CORIN: variants seen among roughly 807,000 people sequenced by gnomAD.
The protein encoded by CORIN is corin, serine peptidase.
CORIN carries 117 observed loss-of-function variants against 125.3 expected under a neutral mutation model. The observed-to-expected ratio is 0.93, with a 90% confidence interval of 0.80 to 1.09. CORIN has a LOEUF of 1.09. Ranked by LOEUF, CORIN falls within the 50% of genes least tolerant of loss-of-function variation. CORIN has a pLI of 0.00. For missense variants in CORIN, 1,253 were observed against 1,306.7 expected, an observed-to-expected ratio of 0.96 and a Z score of 0.63; for synonymous variants, 450 against 466.4, an observed-to-expected ratio of 0.96 and a Z score of 0.45.
At chr4:47,605,814 C>A (rs765867855) in intron 19 of CORIN, among the ~76,000 whole-genome samples, 4 of 152,006 alleles carry the variant, frequency 2.6e-5, no homozygotes, top group African/African-American at 9.7e-5. Context: ...CACCCACAAC[C>A]CTTCTTTTCT....
rs199793420 is a variant in CORIN, at chr4:47,815,311, A to AT, written c.64-8265dup. Among the ~76,000 whole-genome samples the AT allele has an allele frequency of 8.5e-3, 1,245 of 147,204 alleles. 13 individuals are homozygous for AT. Among genetic ancestry groups the AT allele is most frequent in the African/African-American group, 0.029 (1,155 of 40,390 alleles). On this transcript the variant is annotated intron_variant, in intron 1 of 21. Coordinates refer to ENST00000273857, the MANE Select transcript of CORIN (RefSeq NM_006587.4). ...AAGTTCAGAAAGCTCAAGAGTCCTGATTTTTTTTTAACACATAGTTCAGAG... is the reference window on the plus strand; with the variant it reads ...AAGTTCAGAAAGCTCAAGAGTCCTGATTTTTTTTTTAACACATAGTTCAGAG...
At chr4:47,834,681 CATTA>C (rs1278456832) in intron 1 of CORIN, among the ~76,000 whole-genome samples, 8 of 152,128 alleles carry the variant, frequency 5.3e-5, no homozygotes, top group African/African-American at 1.4e-4. Context: ...AGGTTTGTGA[CATTA>C]ATTGTGGTGA....
Position 47,683,725 on chromosome 4 carries a change from A to C in CORIN, c.1021+6T>G. ...TTAAAACCTTTGGGGAAACAATGCT[A>C]CTTACCACAGTTTTGCTCATCACTC... On this transcript the variant is annotated splice_donor_region_variant and intron_variant, in intron 7 of 21. Transcript: ENST00000273857. 1 of 1,599,326 alleles carries C rather than the reference A, an allele frequency of 6.3e-7. No homozygotes were observed. The highest frequency in any genetic ancestry group is 8.6e-7 in the Non-Finnish European group (1 of 1,169,430).
chr4:47,805,148 A>AAAAAATAATAATAAT (rs796469224), intron 2 of CORIN, among the ~76,000 whole-genome samples: 8 of 129,164 alleles, frequency 6.2e-5, no homozygotes, highest in African/African-American at 2.3e-4. Flanking sequence ...AAAAAAAAAA[A>AAAAAATAATAATAAT]AATAATAATA....
intron 4 of CORIN, among the ~76,000 whole-genome samples, chr4:47,757,444 A>T (rs1333332748): frequency 6.6e-6 from 1 of 151,998 alleles, no homozygotes; most frequent in African/African-American, 2.4e-5. Context: ...AAATACAAAA[A>T]TTAGCCAGGC....
At chr4:47,808,766 A>G (rs1464869611) in intron 1 of CORIN, among the ~76,000 whole-genome samples, 1 of 152,222 alleles carries the variant, frequency 6.6e-6, no homozygotes, top group East Asian at 1.9e-4. Context: ...ATCAATAAAT[A>G]AAAGTGTGGG....
chr4:47,675,447 T>A (rs61760499), intron 9 of CORIN, among the ~76,000 whole-genome samples: 44 of 152,184 alleles, frequency 2.9e-4, no homozygotes, highest in Non-Finnish European at 5.6e-4. Context: ...GAGATGTCAC[T>A]CTTTTTTTAA....
chr4:47,786,639 T>C, intron 3 of CORIN, 86 bp downstream of exon 3: 2 of 989,918 alleles, frequency 2.0e-6, no homozygotes, highest in African/African-American at 1.6e-5. Context: ...GGCAAGTGAT[T>C]GTGAACTAAA....
In CORIN at chr4:47,782,280, G is replaced by A. The variant is rs565800488; in HGVS notation, c.409+4445C>T. ...TGTGCTTGTAATCCCAGCTACTCAG[G>A]AGACTGAGTCAGGAGAATCGCCTGA... On this transcript the variant is annotated intron_variant, in intron 3 of 21. Coordinates refer to ENST00000273857, the MANE Select transcript of CORIN (RefSeq NM_006587.4). Among the ~76,000 whole-genome samples, 18 of 151,698 alleles carry A rather than the reference G, an allele frequency of 1.2e-4. No individual in the cohort carries two copies. The South Asian group carries it at 3.7e-3, about 32-fold the overall frequency.
chr4:47,615,380 CA>C (rs1047504710), intron 19 of CORIN, among the ~76,000 whole-genome samples: 1 of 151,920 alleles, frequency 6.6e-6, no homozygotes, highest in African/African-American at 2.4e-5. Context: ...AGAGAGTAGT[CA>C]AAAAAAGCCA....
chr4:47,696,980 A>G (rs2109750438), intron 5 of CORIN, among the ~76,000 whole-genome samples: 1 of 152,294 alleles, frequency 6.6e-6, no homozygotes, highest in African/African-American at 2.4e-5. Flanking sequence ...CTGAAAGTCA[A>G]AAGCTCAGTT....
intron 1 of CORIN, 91 bp downstream of exon 1, chr4:47,837,796 G>T: frequency 8.8e-7 from 1 of 1,136,064 alleles, no homozygotes; most frequent in Non-Finnish European, 1.3e-6. Context: ...GCGGAGGAGA[G>T]GACGGGGGCG....
chr4:47,793,758 G>C (rs1731175627), intron 2 of CORIN, among the ~76,000 whole-genome samples: 1 of 152,132 alleles, frequency 6.6e-6, no homozygotes, highest in Non-Finnish European at 1.5e-5. Context: ...TACAGATATA[G>C]GAGTATGAAA....
chr4:47,786,739 C>G lies in CORIN; in HGVS notation c.395G>C (p.Ser132Thr), dbSNP rs745750505. ...TTDASLPGDQ[S>T]HRNTSACMNI... ...TTTGGACTTACTTGTATTCCTGTGACTTTGGTCCCCTGGGAGAGAAGCATC... is the reference window on the plus strand; with the variant it reads ...TTTGGACTTACTTGTATTCCTGTGAGTTTGGTCCCCTGGGAGAGAAGCATC... Residue 132 changes from serine (S) to threonine (T), a missense_variant, in exon 3 of 22, where the codon AGT becomes ACT. Physicochemically the swap from Ser to Thr is moderately conservative, Grantham distance 58. Transcript: ENST00000273857. The G allele has an allele frequency of 1.2e-6, 2 of 1,613,888 alleles. No individual in the cohort carries two copies. Among genetic ancestry groups the G allele is most frequent in the Non-Finnish European group, 1.7e-6 (2 of 1,179,910 alleles).
intron 14 of CORIN, among the ~76,000 whole-genome samples, chr4:47,643,885 T>A (rs1723347974): frequency 1.3e-5 from 2 of 152,252 alleles, no homozygotes; most frequent in African/African-American, 4.8e-5. Flanking sequence ...TGTCTACAGT[T>A]TTTTTGTTTG....
In CORIN at chr4:47,786,828, A is replaced by G. The variant is rs772700917; in HGVS notation, c.306T>C (p.Ile102=). ...QGSDVILTNT[I]YNQSTVVSTA... Reference sequence around the variant, plus strand: ...TAGACACCACAGTGCTCTGGTTATAAATTGTATTTGTAAGAATAACATCGG... The same window carrying G: ...TAGACACCACAGTGCTCTGGTTATAGATTGTATTTGTAAGAATAACATCGG... The change falls in exon 3 of 22, where the codon ATT becomes ATC. Residue 102 remains isoleucine (I), a synonymous_variant. Coordinates refer to ENST00000273857, the MANE Select transcript of CORIN (RefSeq NM_006587.4). 1 of 1,614,004 alleles carries G rather than the reference A, an allele frequency of 6.2e-7. No homozygotes were observed. Among genetic ancestry groups the G allele is most frequent in the Non-Finnish European group, 8.5e-7 (1 of 1,179,886 alleles).
rs1372207644 is a variant in CORIN at position 47,763,542 on chromosome 4, A to T, written c.454T>A (p.Tyr152Asn). ...AGGAGAGGTGTCAGCGTGGCGTGGTAGGGCAGCATCTGACACTGGCTGTGG... is the reference window on the plus strand; with the variant it reads ...AGGAGAGGTGTCAGCGTGGCGTGGTTGGGCAGCATCTGACACTGGCTGTGG... ...ITHSQCQMLP[Y>N]HATLTPLLSV... The change falls in exon 4 of 22, where the codon TAC (tyrosine) becomes AAC (asparagine). Residue 152 changes from tyrosine (Y) to asparagine (N), a missense_variant. Physicochemically the swap from Tyr to Asn is moderately radical, Grantham distance 143. Coordinates refer to ENST00000273857, the MANE Select transcript of CORIN (RefSeq NM_006587.4). 3.1e-6 allele frequency: 5 copies of T among 1,614,076 alleles called. No homozygotes were observed. Among genetic ancestry groups the T allele is most frequent in the Non-Finnish European group, 4.2e-6 (5 of 1,180,038 alleles).
At chr4:47,753,446 C>T (rs1038577184) in intron 4 of CORIN, among the ~76,000 whole-genome samples, 1 of 152,104 alleles carries the variant, frequency 6.6e-6, no homozygotes, top group Non-Finnish European at 1.5e-5. Flanking sequence ...TTTTCCAGAC[C>T]TTAATAAGCC....
chr4:47,828,264 C>T (rs76989209), intron 1 of CORIN, among the ~76,000 whole-genome samples: 69 of 152,244 alleles, frequency 4.5e-4, no homozygotes, highest in African/African-American at 1.5e-3. Context: ...TTTGTTCTAA[C>T]GAGGTGATTC....
Sources: gnomAD v4.1 joint callset for allele counts (sites outside exome capture counted in the v4.1 genomes callset) on GRCh38, gnomAD v4.1.1 for gene constraint, MANE v1.5 for transcripts, NCBI Gene and HGNC (gene_info 2026-07-23, HGNC 2026-07-21) for gene names.